Variants in TLN2 observed in about 807,000 individuals in gnomAD.
TLN2 encodes talin-2.
TLN2 carries 118 observed loss-of-function variants against 294.7 expected under a neutral mutation model. That is an observed-to-expected ratio of 0.40 (90% confidence interval 0.34 to 0.47). The LOEUF is 0.47. TLN2 is among the 20% of genes least tolerant of loss of function. TLN2 has a pLI of 0.84. For synonymous variants in TLN2, 1,431 were observed against 1,304.5 expected (o/e 1.10, Z -2.09); for missense variants, 3,083 against 3,282.2 (o/e 0.94, Z 1.48).
chr15:62,605,770 A>C (rs1033833964), intron 2 of TLN2, among the ~76,000 whole-genome samples: 1 of 152,194 alleles, frequency 6.6e-6, no homozygotes. Context: ...CACGTTGGAC[A>C]CCGTAGCAGC....
intron 1 of TLN2, among the ~76,000 whole-genome samples, chr15:62,505,363 T>C (rs868716784): frequency 6.6e-6 from 1 of 152,244 alleles, no homozygotes; most frequent in Non-Finnish European, 1.5e-5. Context: ...GCTTACACAC[T>C]GTGCTGATGA....
chr15:62,843,278 A>G lies in TLN2; in HGVS notation c.*2668A>G, dbSNP rs1212362399. ...CCAGAAATTGCTGTTCCCGATGGCCAAAAGGGGAACCTGAACTGGATTTCA... is the reference window on the plus strand; with the variant it reads ...CCAGAAATTGCTGTTCCCGATGGCCGAAAGGGGAACCTGAACTGGATTTCA... On this transcript the variant is annotated 3_prime_UTR_variant, in exon 59 of 59. Coordinates refer to ENST00000636159, the MANE Select transcript of TLN2 (RefSeq NM_015059.3). 1 of 152,248 alleles carries G rather than the reference A, an allele frequency of 6.6e-6. No homozygotes were observed. The highest frequency in any genetic ancestry group is 1.9e-4 in the East Asian group (1 of 5,204). 9.4% of individuals were successfully genotyped at this position (152,248 alleles called of 1,614,324 possible). A position where few individuals can be genotyped will look rare whatever the true frequency, so the allele number is the denominator to read the frequency against.
intron 1 of TLN2, among the ~76,000 whole-genome samples, chr15:62,558,164 C>T (rs565436499): frequency 6.6e-6 from 1 of 152,206 alleles, no homozygotes; most frequent in Admixed American, 6.5e-5. Context: ...TGATACTGAT[C>T]TTGTCTACAT....
intron 1 of TLN2, among the ~76,000 whole-genome samples, chr15:62,545,573 G>A (rs1331992865): frequency 6.8e-6 from 1 of 147,124 alleles, no homozygotes; most frequent in Admixed American, 6.7e-5. Flanking sequence ...TTCTTTCCTG[G>A]GTTTTGTGGC....
chr15:62,703,893 G>T (rs2058889772), intron 19 of TLN2, among the ~76,000 whole-genome samples: 1 of 152,186 alleles, frequency 6.6e-6, no homozygotes, highest in South Asian at 2.1e-4. Flanking sequence ...CAAAGGGTGG[G>T]GCGCAGAGGC....
chr15:62,416,156 A>C (rs1029786472), intron 1 of TLN2, among the ~76,000 whole-genome samples: 12 of 152,118 alleles, frequency 7.9e-5, no homozygotes, highest in Admixed American at 3.3e-4. Context: ...AAAATCAGCC[A>C]GGCATGGTGG....
At chr15:62,816,431 T>G (rs2141192873) in intron 52 of TLN2, among the ~76,000 whole-genome samples, 1 of 152,366 alleles carries the variant, frequency 6.6e-6, no homozygotes, top group South Asian at 2.1e-4. Flanking sequence ...TGGATCTGTC[T>G]GTTGTCTGCT....
chr15:62,610,736 G>A (rs1243346800), intron 2 of TLN2, among the ~76,000 whole-genome samples: 2 of 152,182 alleles, frequency 1.3e-5, no homozygotes, highest in Admixed American at 6.5e-5. Context: ...TTCTGCACTC[G>A]TCCATGAGGG....
chr15:62,695,985 C>A (rs1284683960), intron 14 of TLN2, among the ~76,000 whole-genome samples: 1 of 152,174 alleles, frequency 6.6e-6, no homozygotes, highest in African/African-American at 2.4e-5. Context: ...CTGATCAAGG[C>A]AAGCAGGAAG....
At chr15:62,517,127 A>G (rs1182356604) in intron 1 of TLN2, among the ~76,000 whole-genome samples, 3 of 152,196 alleles carry the variant, frequency 2.0e-5, no homozygotes, top group African/African-American at 7.2e-5. Flanking sequence ...GGATGGCGAG[A>G]GGTTGCTGCT....
intron 1 of TLN2, among the ~76,000 whole-genome samples, chr15:62,582,195 TACACACACACACACACACACAC>T (rs67748452): frequency 1.2e-4 from 8 of 66,472 alleles, no homozygotes; most frequent in Admixed American, 3.4e-4. Context: ...TGTGTATGCA[TACACACACACACACACACACAC>T]ACACACACAC....
At chr15:62,690,462 C>A (rs28695831) in intron 12 of TLN2, 3,850 of 116,496 alleles carry the variant, frequency 0.033, 180 homozygotes, top group African/African-American at 0.13. Context: ...GGCGGCCGGC[C>A]GGGAAGAGGC....
intron 1 of TLN2, among the ~76,000 whole-genome samples, chr15:62,399,460 A>G (rs1310777571): frequency 6.6e-6 from 1 of 152,092 alleles, no homozygotes; most frequent in Admixed American, 6.6e-5. Flanking sequence ...CTCACACCCC[A>G]GAATAGTAGA....
At chr15:62,427,636 C>T (rs537441723) in intron 1 of TLN2, among the ~76,000 whole-genome samples, 6 of 152,248 alleles carry the variant, frequency 3.9e-5, no homozygotes, top group South Asian at 2.1e-4. Context: ...TTCCAGATTG[C>T]GACCCTCCTT....
At chr15:62,662,622 G>T (rs952440191) in intron 9 of TLN2, among the ~76,000 whole-genome samples, 1 of 152,114 alleles carries the variant, frequency 6.6e-6, no homozygotes, top group Non-Finnish European at 1.5e-5. Context: ...CTTCTACGGG[G>T]TAGACACTAG....
chr15:62,707,295 C>T (rs558555893), intron 20 of TLN2, 42 bp downstream of exon 20: 4 of 1,537,704 alleles, frequency 2.6e-6, no homozygotes, highest in Non-Finnish European at 3.5e-6. Context: ...CCAGTATCAC[C>T]TGCTGTTACC....
At chr15:62,774,169 G>A (rs2063538884) in intron 42 of TLN2, among the ~76,000 whole-genome samples, 1 of 152,160 alleles carries the variant, frequency 6.6e-6, no homozygotes, top group African/African-American at 2.4e-5. Context: ...CTGCTCCCCT[G>A]TGGCCTTCTC....
At chr15:62,550,264 G>A (rs993314280) in intron 1 of TLN2, among the ~76,000 whole-genome samples, 1 of 152,054 alleles carries the variant, frequency 6.6e-6, no homozygotes, top group Non-Finnish European at 1.5e-5. Flanking sequence ...AATAGTTTAG[G>A]TTTATTTTTG....
chr15:62,657,800 C>T lies in TLN2; in HGVS notation c.690C>T (p.His230=). ...QARDDILNGS[H]PVSFEKACEF... Reference sequence around the variant, plus strand: ...GGGATGACATCCTGAATGGCTCTCACCCTGTCTCCTTCGAGAAAGCTTGTG... The same window carrying T: ...GGGATGACATCCTGAATGGCTCTCATCCTGTCTCCTTCGAGAAAGCTTGTG... Residue 230 remains histidine, a synonymous_variant, in exon 9 of 59, where the codon CAC becomes CAT. Transcript: ENST00000636159. The T allele has an allele frequency of 6.2e-7, 1 of 1,613,960 alleles. No homozygotes were observed. The highest frequency in any genetic ancestry group is 8.5e-7 in the Non-Finnish European group (1 of 1,179,946).
Sources: gnomAD v4.1 joint callset for allele counts (sites outside exome capture counted in the v4.1 genomes callset) on GRCh38, gnomAD v4.1.1 for gene constraint, MANE v1.5 for transcripts, NCBI Gene and HGNC (gene_info 2026-07-23, HGNC 2026-07-21) for gene names.